KRTAP10-11: variants seen among roughly 807,000 people sequenced by gnomAD.
The protein encoded by KRTAP10-11 is keratin associated protein 10-11.
For missense variants in KRTAP10-11, 401 were observed against 378.8 expected, an observed-to-expected ratio of 1.06 and a Z score of -0.49; for synonymous variants, 188 against 161.1, an observed-to-expected ratio of 1.17 and a Z score of -1.27.
At position 44,647,113 on chromosome 21, in the gene KRTAP10-11, C is replaced by A. The variant is rs587759476; in HGVS notation, c.655C>A (p.Pro219Thr). 1 of 1,611,914 alleles carries A rather than the reference C, an allele frequency of 6.2e-7. No individual in the cohort carries two copies. The highest frequency in any genetic ancestry group is 1.4e-5 in the African/African-American group (1 of 74,048). The stretch of plus-strand genomic sequence containing the variant: ...GGCTTCCTCTTCACGCTGCCAGCAG[C>A]CTAGCTGCCAGCCAGCTTGCTGCAC... ...SRASSSRCQQ[P>T]SCQPACCTTS... Residue 219 changes from proline (P) to threonine (T), a missense_variant, in exon 1 of 1, where the codon CCT becomes ACT. Pro to Thr is a conservative substitution (Grantham distance 38). Coordinates refer to ENST00000334670, the MANE Select transcript of KRTAP10-11 (RefSeq NM_198692.3).
chr21:44,647,422 C>A lies in KRTAP10-11; in HGVS notation c.*67C>A. 4 of 1,539,396 alleles carry A rather than the reference C, an allele frequency of 2.6e-6. No individual in the cohort carries two copies. The highest frequency in any genetic ancestry group is 3.5e-6 in the Non-Finnish European group (4 of 1,134,934). ...AAGCAGGATTCTCCAGTCTCAGGAG[C>A]CCCTGGAGTCCTCAGAATCCACCAG... On this transcript the variant is annotated 3_prime_UTR_variant, in exon 1 of 1. Coordinates refer to ENST00000334670, the MANE Select transcript of KRTAP10-11 (RefSeq NM_198692.3).
Position 44,647,540 on chromosome 21 carries a change from C to A in KRTAP10-11, c.*185C>A. 1 of 727,530 alleles carries A rather than the reference C, an allele frequency of 1.4e-6. No individual in the cohort carries two copies. Among genetic ancestry groups the A allele is most frequent in the Non-Finnish European group, 2.3e-6 (1 of 441,216 alleles). The allele number at this position is 727,530 out of a possible 1,614,324, so 45.1% of individuals were successfully genotyped here. On this transcript the variant is annotated 3_prime_UTR_variant, in exon 1 of 1. Coordinates refer to ENST00000334670, the MANE Select transcript of KRTAP10-11 (RefSeq NM_198692.3). ...GTCTGGGAAGAGACAACCCACAAAT[C>A]CCTCAGCAGGTGGACTGTGGCTTTC...
In KRTAP10-11 at chr21:44,646,419, CACTT is replaced by C. The variant is rs782235135; in HGVS notation, c.-37_-34del. ...TCACTCACACACACACTCACACACT[CACTT>C]ACACCTCCCCCAGCTCACCTCCTCC... On this transcript the variant is annotated 5_prime_UTR_variant, in exon 1 of 1. Coordinates refer to ENST00000334670, the MANE Select transcript of KRTAP10-11 (RefSeq NM_198692.3). The C allele has an allele frequency of 5.1e-6, 8 of 1,578,876 alleles. No individual in the cohort carries two copies. The highest frequency in any genetic ancestry group is 3.6e-5 in the South Asian group (3 of 82,840).
In KRTAP10-11 at chr21:44,647,269, G is replaced by A; in HGVS notation, c.811G>A (p.Ala271Thr). The change falls in exon 1 of 1, where the codon GCC becomes ACC. Residue 271 changes from alanine (A) to threonine (T), a missense_variant. Coordinates refer to ENST00000334670, the MANE Select transcript of KRTAP10-11 (RefSeq NM_198692.3). ...SSCQSSCCRPASCVSLLCRPA... is the reference protein window; with the variant it reads ...SSCQSSCCRPTSCVSLLCRPA... ...CTGCCAGTCCAGCTGCTGCCGCCCG[G>A]CCTCCTGCGTGTCCCTCCTCTGCCG... is the stretch of plus-strand genomic sequence containing the variant. The A allele has an allele frequency of 6.2e-7, 1 of 1,601,854 alleles. No individual in the cohort carries two copies. The highest frequency in any genetic ancestry group is 2.3e-5 in the East Asian group (1 of 44,268).
Position 44,647,486 on chromosome 21 carries a change from T to A in KRTAP10-11, c.*131T>A. The A allele has an allele frequency of 9.1e-7, 1 of 1,097,314 alleles. No homozygotes were observed. The highest frequency in any genetic ancestry group is 1.3e-6 in the Non-Finnish European group (1 of 771,934). 68.0% of individuals were successfully genotyped at this position (1,097,314 alleles called of 1,614,324 possible). On this transcript the variant is annotated 3_prime_UTR_variant, in exon 1 of 1. Coordinates refer to ENST00000334670, the MANE Select transcript of KRTAP10-11 (RefSeq NM_198692.3). The stretch of plus-strand genomic sequence containing the variant: ...CACAGAGCTGCTGCCTGAAGGGGAT[T>A]TTGAGCGCGTCACACTTTCCTCCCC...
At chr21:44,647,110 C>CA in the KRTAP10-11 span, 4 of 1,613,898 alleles carry the variant, frequency 2.5e-6, no homozygotes, top group Non-Finnish European at 3.4e-6. Context: ...ACGCTGCCAG[C>CA]AGCCTAGCTG....
In KRTAP10-11 at chr21:44,647,026, G is replaced by C; in HGVS notation, c.568G>C (p.Val190Leu). The change falls in exon 1 of 1, where the codon GTG becomes CTG. Residue 190 changes from valine (V) to leucine (L), a missense_variant. Transcript: ENST00000334670. ...CTCCTCCTACCAGCAGGCCTGCTGC[G>C]TGCCTGTCTGCTGCAAGACTGTCTA... ...TSSSYQQACC[V>L]PVCCKTVYCK... 3.1e-6 allele frequency: 5 copies of C among 1,613,524 alleles called. No individual in the cohort carries two copies. Among genetic ancestry groups the C allele is most frequent in the Non-Finnish European group, 3.4e-6 (4 of 1,179,886 alleles).
At position 44,647,263 on chromosome 21, in the gene KRTAP10-11, C is replaced by T. The variant is rs462007; in HGVS notation, c.805C>T (p.Arg269Cys). 0.79 allele frequency: 1,275,949 copies of T among 1,613,970 alleles called. 506,578 individuals are homozygous for T. Among genetic ancestry groups the T allele is most frequent in the African/African-American group, 0.96 (72,199 of 75,000 alleles). Residue 269 changes from arginine to cysteine, a missense_variant, in exon 1 of 1, where the codon CGC (arginine) becomes TGC (cysteine). Transcript: ENST00000334670. The stretch of plus-strand genomic sequence containing the variant: ...CTCCTCCTGCCAGTCCAGCTGCTGC[C>T]GCCCGGCCTCCTGCGTGTCCCTCCT... Reference protein sequence around the residue: ...PTSSCQSSCCRPASCVSLLCR... With the variant: ...PTSSCQSSCCCPASCVSLLCR...
chr21:44,647,170 T>A lies in KRTAP10-11; in HGVS notation c.712T>A (p.Ser238Thr). The A allele has an allele frequency of 6.2e-7, 1 of 1,613,664 alleles. No individual in the cohort carries two copies. The highest frequency in any genetic ancestry group is 1.3e-5 in the African/African-American group (1 of 74,842). The change falls in exon 1 of 1, where the codon TCC becomes ACC. Residue 238 changes from serine (S) to threonine (T), a missense_variant. Physicochemically the swap from Ser to Thr is moderately conservative, Grantham distance 58. Transcript: ENST00000334670. ...CTGCTGCAGACCCTCCTCCTCTGTG[T>A]CCCTCCTCTGCCACCCCGTGTGCAG... ...TSCCRPSSSV[S>T]LLCHPVCRST...
In KRTAP10-11 at chr21:44,647,340, G is replaced by A; in HGVS notation, c.882G>A (p.Lys294=). ...CCTGCTACAGCCTCTGCTCAGGCAA[G>A]AAGTCCAGCTGCTGAGTGCTCAATC... is the stretch of plus-strand genomic sequence containing the variant. The part of the protein sequence containing the change: ...RLACYSLCSG[K]KSSC The change falls in exon 1 of 1, where the codon AAG becomes AAA. Residue 294 remains lysine, a synonymous_variant. Coordinates refer to ENST00000334670, the MANE Select transcript of KRTAP10-11 (RefSeq NM_198692.3). 1 of 1,613,722 alleles carries A rather than the reference G, an allele frequency of 6.2e-7. No homozygotes were observed. Among genetic ancestry groups the A allele is most frequent in the Non-Finnish European group, 8.5e-7 (1 of 1,179,762 alleles).
chr21:44,647,457 T>A lies in KRTAP10-11; in HGVS notation c.*102T>A. 2 of 1,341,098 alleles carry A rather than the reference T, an allele frequency of 1.5e-6. No homozygotes were observed. The highest frequency in any genetic ancestry group is 2.0e-6 in the Non-Finnish European group (2 of 977,094). 83.1% of individuals were successfully genotyped at this position (1,341,098 alleles called of 1,614,324 possible). On this transcript the variant is annotated 3_prime_UTR_variant, in exon 1 of 1. Transcript: ENST00000334670. ...CCTCAGAATCCACCAGCTCCATCAG[T>A]AGCCACAGAGCTGCTGCCTGAAGGG...
Position 44,646,823 on chromosome 21 carries a change from C to T in KRTAP10-11, c.365C>T (p.Ala122Val). 1.3e-6 allele frequency: 2 copies of T among 1,572,892 alleles called. No individual in the cohort carries two copies. Among genetic ancestry groups the T allele is most frequent in the Non-Finnish European group, 1.7e-6 (2 of 1,158,430 alleles). ...PVCCVPVCCG[A>V]ASSCCRQSSC... is the part of the protein sequence containing the mutation. ...TGCTGTGTGCCTGTCTGCTGTGGGGCTGCTTCTTCGTGCTGCCGGCAGTCT... is the reference window on the plus strand; with the variant it reads ...TGCTGTGTGCCTGTCTGCTGTGGGGTTGCTTCTTCGTGCTGCCGGCAGTCT... The change falls in exon 1 of 1, where the codon GCT (alanine) becomes GTT (valine). Residue 122 changes from alanine to valine, a missense_variant. Coordinates refer to ENST00000334670, the MANE Select transcript of KRTAP10-11 (RefSeq NM_198692.3).
chr21:44,646,991 G>T lies in KRTAP10-11; in HGVS notation c.533G>T (p.Cys178Phe), dbSNP rs782115620. 2.5e-6 allele frequency: 4 copies of T among 1,613,670 alleles called. No homozygotes were observed. The East Asian group carries it at 8.9e-5, about 36-fold the overall frequency. ...CCQQSSCQPA[C>F]CTSSSYQQAC... ...CAGCAGTCTAGCTGCCAGCCAGCTT[G>T]CTGCACCTCCTCCTCCTACCAGCAG... is the stretch of plus-strand genomic sequence containing the variant. Residue 178 changes from cysteine to phenylalanine, a missense_variant, in exon 1 of 1, where the codon TGC (cysteine) becomes TTC (phenylalanine). Coordinates refer to ENST00000334670, the MANE Select transcript of KRTAP10-11 (RefSeq NM_198692.3).
rs782611710 is a variant in KRTAP10-11, at chr21:44,646,589, G to C, written c.131G>C (p.Ser44Thr). ...TGCTGCGCCCCGGCCCCCTCCCTGA[G>C]CCTGGTCTGCACCCCAGTGAGCTGT... ...PSCCAPAPSLSLVCTPVSCVS... is the reference protein window; with the variant it reads ...PSCCAPAPSLTLVCTPVSCVS... Residue 44 changes from serine to threonine, a missense_variant, in exon 1 of 1, where the codon AGC (serine) becomes ACC (threonine). Ser to Thr is a moderately conservative substitution (Grantham distance 58). Coordinates refer to ENST00000334670, the MANE Select transcript of KRTAP10-11 (RefSeq NM_198692.3). The C allele has an allele frequency of 1.9e-5, 30 of 1,612,462 alleles. No homozygotes were observed. The highest frequency in any genetic ancestry group is 1.1e-4 in the East Asian group (5 of 44,874).
Position 44,647,024 on chromosome 21 carries a change from G to A in KRTAP10-11, c.566G>A (p.Cys189Tyr), listed in dbSNP as rs782238984. 4 of 1,612,628 alleles carry A rather than the reference G, an allele frequency of 2.5e-6. No homozygotes were observed. The highest frequency in any genetic ancestry group is 1.3e-5 in the African/African-American group (1 of 74,292). The change falls in exon 1 of 1, where the codon TGC becomes TAC. Residue 189 changes from cysteine to tyrosine, a missense_variant. Coordinates refer to ENST00000334670, the MANE Select transcript of KRTAP10-11 (RefSeq NM_198692.3). The part of the protein sequence containing the change: ...CTSSSYQQAC[C>Y]VPVCCKTVYC... ...TCCTCCTCCTACCAGCAGGCCTGCT[G>A]CGTGCCTGTCTGCTGCAAGACTGTC... is the stretch of plus-strand genomic sequence containing the variant.
In KRTAP10-11 at chr21:44,647,542, C is replaced by A; in HGVS notation, c.*187C>A. ...CTGGGAAGAGACAACCCACAAATCC[C>A]TCAGCAGGTGGACTGTGGCTTTCTG... is the stretch of plus-strand genomic sequence containing the variant. On this transcript the variant is annotated 3_prime_UTR_variant, in exon 1 of 1. Coordinates refer to ENST00000334670, the MANE Select transcript of KRTAP10-11 (RefSeq NM_198692.3). The A allele has an allele frequency of 1.4e-6, 1 of 718,172 alleles. No homozygotes were observed. Among genetic ancestry groups the A allele is most frequent in the Non-Finnish European group, 2.3e-6 (1 of 432,810 alleles). 44.5% of individuals were successfully genotyped at this position (718,172 alleles called of 1,614,324 possible).
In KRTAP10-11 at chr21:44,646,799, G is replaced by A. The variant is rs1555940021; in HGVS notation, c.341G>A (p.Cys114Tyr). ...AAGACTGTCTGCTGCAAGCCTGTGTGCTGTGTGCCTGTCTGCTGTGGGGCT... is the reference window on the plus strand; with the variant it reads ...AAGACTGTCTGCTGCAAGCCTGTGTACTGTGTGCCTGTCTGCTGTGGGGCT... ...CCKTVCCKPV[C>Y]CVPVCCGAAS... Residue 114 changes from cysteine to tyrosine, a missense_variant, in exon 1 of 1, where the codon TGC (cysteine) becomes TAC (tyrosine). Transcript: ENST00000334670. 6.2e-7 allele frequency: 1 copy of A among 1,613,032 alleles called. No individual in the cohort carries two copies. Among genetic ancestry groups the A allele is most frequent in the Admixed American group, 1.7e-5 (1 of 59,956 alleles).
At position 44,647,385 on chromosome 21, in the gene KRTAP10-11, G is replaced by A. The variant is rs1176231389; in HGVS notation, c.*30G>A. On this transcript the variant is annotated 3_prime_UTR_variant, in exon 1 of 1. Coordinates refer to ENST00000334670, the MANE Select transcript of KRTAP10-11 (RefSeq NM_198692.3). ...TCAATCCTTGTCTCCTGCTGACTGTGTCTTTGCTGCCAAGCAGGATTCTCC... is the reference window on the plus strand; with the variant it reads ...TCAATCCTTGTCTCCTGCTGACTGTATCTTTGCTGCCAAGCAGGATTCTCC... 2 of 1,602,420 alleles carry A rather than the reference G, an allele frequency of 1.2e-6. No individual in the cohort carries two copies. The highest frequency in any genetic ancestry group is 1.3e-5 in the African/African-American group (1 of 74,728).
rs185275163 is a variant in KRTAP10-11 at position 44,647,471 on chromosome 21, C to A, written c.*116C>A. The stretch of plus-strand genomic sequence containing the variant: ...AGCTCCATCAGTAGCCACAGAGCTG[C>A]TGCCTGAAGGGGATTTTGAGCGCGT... On this transcript the variant is annotated 3_prime_UTR_variant, in exon 1 of 1. Coordinates refer to ENST00000334670, the MANE Select transcript of KRTAP10-11 (RefSeq NM_198692.3). 2.4e-6 allele frequency: 3 copies of A among 1,240,350 alleles called. No individual in the cohort carries two copies. The highest frequency in any genetic ancestry group is 5.2e-5 in the Admixed American group (2 of 38,364). 76.8% of individuals were successfully genotyped at this position (1,240,350 alleles called of 1,614,324 possible).
Sources: allele counts gnomAD v4.1 joint callset, GRCh38; gene constraint gnomAD v4.1.1; transcripts MANE v1.5; gene names NCBI Gene and HGNC (gene_info 2026-07-23, HGNC 2026-07-21).